The following OPCML variants were observed in gnomAD, a reference collection of about 807,000 sequenced individuals.
The protein encoded by OPCML is opioid-binding protein/cell adhesion molecule.
A neutral mutation model predicts 37.8 loss-of-function variants in OPCML; 13 were observed. The observed-to-expected ratio is 0.34, with a 90% CI of 0.22 to 0.55. OPCML has a LOEUF of 0.55. Ranked by LOEUF, OPCML falls within the 20% of genes least tolerant of loss-of-function variation. OPCML has a pLI of 0.91. For missense variants in OPCML, 341 were observed against 435.6 expected, an observed-to-expected ratio of 0.78 and a Z score of 1.93; for synonymous variants, 176 against 168.8, an observed-to-expected ratio of 1.04 and a Z score of -0.33.
At chr11:133,114,198 C>A (rs558408757) in intron 1 of OPCML, among the ~76,000 whole-genome samples, 2 of 152,252 alleles carry the variant, frequency 1.3e-5, no homozygotes, top group South Asian at 4.2e-4. Context: ...GGGCCTCCCC[C>A]TGAACTGCTC....
At chr11:133,373,434 T>TATATATATAC (rs1944722877) in intron 1 of OPCML, among the ~76,000 whole-genome samples, 1 of 122,992 alleles carries the variant, frequency 8.1e-6, no homozygotes, top group Non-Finnish European at 1.7e-5. Flanking sequence ...AATATATATA[T>TATATATATAC]ATATATATAT....
chr11:132,619,058 G>C (rs1267627283), intron 3 of OPCML, among the ~76,000 whole-genome samples: 1 of 151,922 alleles, frequency 6.6e-6, no homozygotes, highest in Non-Finnish European at 1.5e-5. Flanking sequence ...GGAAGCTCCT[G>C]CGATGACTGG....
At chr11:132,431,034 G>A (rs2095995127) in intron 7 of OPCML, among the ~76,000 whole-genome samples, 1 of 152,204 alleles carries the variant, frequency 6.6e-6, no homozygotes, top group Non-Finnish European at 1.5e-5. Context: ...AGCCACCCCT[G>A]CTGTACTTAG....
intron 2 of OPCML, among the ~76,000 whole-genome samples, chr11:132,827,796 C>G (rs898457435): frequency 6.8e-6 from 1 of 146,998 alleles, no homozygotes; most frequent in Non-Finnish European, 1.5e-5. Flanking sequence ...CATGCCACCA[C>G]GCCTGGCTGA....
chr11:132,502,869 G>A (rs911301777), intron 4 of OPCML, among the ~76,000 whole-genome samples: 2 of 152,174 alleles, frequency 1.3e-5, no homozygotes, highest in African/African-American at 4.8e-5. Context: ...TCACGATGAC[G>A]ATGATAACAC....
intron 1 of OPCML, among the ~76,000 whole-genome samples, chr11:133,209,405 C>A (rs1238157724): frequency 6.6e-6 from 1 of 152,092 alleles, no homozygotes; most frequent in South Asian, 2.1e-4. Context: ...TGTCTTAATG[C>A]CACAAAATTA....
intron 2 of OPCML, chr11:132,859,343 C>A (rs79111675): frequency 6.6e-6 from 1 of 152,270 alleles, no homozygotes; most frequent in African/African-American, 2.4e-5. Context: ...GGTCACCATG[C>A]CTTAAATGTG....
intron 3 of OPCML, among the ~76,000 whole-genome samples, chr11:132,638,590 T>G (rs996001275): frequency 6.6e-6 from 1 of 152,164 alleles, no homozygotes; most frequent in African/African-American, 2.4e-5. Context: ...CCAATTACTC[T>G]TACACATAAC....
rs556328925 is a variant in OPCML at position 132,685,992 on chromosome 11, T to A, written c.147-28673A>T. On this transcript the variant is annotated intron_variant, in intron 2 of 7. Coordinates refer to ENST00000524381, the MANE Select transcript of OPCML (RefSeq NM_001012393.5). ...TTGTTCTGGTGGCATTTATTTTGAG[T>A]TGTGGGGCATGAGGCATGTTCACTT... Among the ~76,000 whole-genome samples the A allele has an allele frequency of 3.9e-5, 6 of 152,282 alleles. No homozygotes were observed. In the East Asian group the frequency reaches 5.8e-4, roughly 15 times the overall value.
chr11:132,690,747 C>T (rs377679771), intron 2 of OPCML, among the ~76,000 whole-genome samples: 2 of 152,212 alleles, frequency 1.3e-5, no homozygotes, highest in East Asian at 3.9e-4. Context: ...GGAGAGAAAC[C>T]AAGATTATAG....
intron 4 of OPCML, among the ~76,000 whole-genome samples, chr11:132,449,450 T>A (rs143996069): frequency 8.5e-5 from 13 of 152,216 alleles, no homozygotes; most frequent in East Asian, 1.9e-4. Context: ...AGGGTACACT[T>A]CAAATGCAGG....
intron 1 of OPCML, among the ~76,000 whole-genome samples, chr11:133,129,401 C>T (rs534667522): frequency 4.6e-5 from 7 of 152,180 alleles, no homozygotes; most frequent in South Asian, 2.1e-4. Flanking sequence ...TAGAGTACAC[C>T]GAAAGATTTT....
rs543155464 is a variant in OPCML at position 132,529,004 on chromosome 11, A to C, written c.505+57T>G. 4.7e-5 allele frequency: 50 copies of C among 1,068,930 alleles called. No individual in the cohort carries two copies. In the African/African-American group the frequency reaches 6.8e-4, roughly 14 times the overall value. 66.2% of individuals were successfully genotyped at this position (1,068,930 alleles called of 1,614,324 possible). On this transcript the variant is annotated intron_variant, in intron 4 of 7. Transcript: ENST00000524381. ...TGATTCCTGAAGCTCTGTTGTGCAT[A>C]AGAGCCAAGACTTTAACATACTACC... is the stretch of plus-strand genomic sequence containing the variant.
At chr11:133,219,641 C>G (rs1200497820) in intron 1 of OPCML, among the ~76,000 whole-genome samples, 1 of 152,164 alleles carries the variant, frequency 6.6e-6, no homozygotes, top group East Asian at 1.9e-4. Flanking sequence ...TAACAAGCCT[C>G]CAGGCGCTGC....
At chr11:132,520,676 G>A (rs61906361) in intron 4 of OPCML, among the ~76,000 whole-genome samples, 21 of 81,414 alleles carry the variant, frequency 2.6e-4, no homozygotes, top group Admixed American at 3.7e-4. Flanking sequence ...AAATATATAT[G>A]TGTGTGTGTG....
chr11:132,631,311 A>T (rs1940091782), intron 3 of OPCML, among the ~76,000 whole-genome samples: 2 of 148,940 alleles, frequency 1.3e-5, no homozygotes, highest in Non-Finnish European at 3.0e-5. Flanking sequence ...CAGTAAAATA[A>T]TAAATACTTA....
At chr11:133,108,835 A>C (rs1949204254) in intron 1 of OPCML, among the ~76,000 whole-genome samples, 1 of 152,194 alleles carries the variant, frequency 6.6e-6, no homozygotes, top group African/African-American at 2.4e-5. Context: ...ACATAATGAA[A>C]CATATTTTAC....
At chr11:132,741,051 G>A (rs1259138126) in intron 2 of OPCML, among the ~76,000 whole-genome samples, 1 of 152,174 alleles carries the variant, frequency 6.6e-6, no homozygotes, top group Non-Finnish European at 1.5e-5. Flanking sequence ...AGAGGGTGCA[G>A]TATCCTATTT....
At chr11:133,032,790 G>A (rs1413569645) in intron 1 of OPCML, among the ~76,000 whole-genome samples, 2 of 152,082 alleles carry the variant, frequency 1.3e-5, no homozygotes, top group Non-Finnish European at 2.9e-5. Flanking sequence ...ACCTGGAATT[G>A]GTACAACTCA....
Sources: gnomAD v4.1 joint callset for allele counts (sites outside exome capture counted in the v4.1 genomes callset) on GRCh38, gnomAD v4.1.1 for gene constraint, MANE v1.5 for transcripts, NCBI Gene and HGNC (gene_info 2026-07-23, HGNC 2026-07-21) for gene names.